Variants in C8orf34 observed in about 807,000 individuals in gnomAD.
C8orf34 encodes chromosome 8 open reading frame 34, also known as uncharacterized protein C8orf34.
C8orf34 carries 65 observed loss-of-function variants against 68.3 expected under a neutral mutation model. The ratio of observed to expected loss-of-function variants is 0.95; its 90% CI spans 0.78 to 1.17. The LOEUF is 1.17. Ranked by LOEUF, C8orf34 falls within the 50% of genes most tolerant of loss-of-function variation. C8orf34 has a pLI of 0.00. For missense variants in C8orf34, 664 were observed against 655.4 expected (o/e 1.01, Z -0.14); for synonymous variants, 244 against 241.2 (o/e 1.01, Z -0.11).
intron 8 of C8orf34, among the ~76,000 whole-genome samples, chr8:68,660,395 C>A (rs913885530): frequency 1.3e-5 from 2 of 152,172 alleles, no homozygotes; most frequent in Admixed American, 1.3e-4. Flanking sequence ...CAGAGTACTG[C>A]CCATGGGTGC....
intron 5 of C8orf34, among the ~76,000 whole-genome samples, chr8:68,520,705 T>C (rs57010866): frequency 0.2 from 30,279 of 151,512 alleles, 4,024 homozygotes; most frequent in African/African-American, 0.38. Flanking sequence ...CCTCGTTATC[T>C]GCACACCTCG....
intron 5 of C8orf34, 147 bp downstream of exon 5, chr8:68,488,198 A>G (rs1406184506): frequency 5.3e-6 from 3 of 564,362 alleles, no homozygotes; most frequent in Non-Finnish European, 9.2e-6. Context: ...AGTTAAATGC[A>G]TATTGTTTTA....
intron 1 of C8orf34, among the ~76,000 whole-genome samples, chr8:68,428,122 ATAAT>A (rs1810305563): frequency 2.0e-5 from 3 of 151,728 alleles, no homozygotes; most frequent in African/African-American, 7.2e-5. Flanking sequence ...ATCTCAATAT[ATAAT>A]TAGATACAAT....
chr8:68,452,058 T>C (rs1466504298), intron 3 of C8orf34, among the ~76,000 whole-genome samples: 1 of 151,978 alleles, frequency 6.6e-6, no homozygotes, highest in Non-Finnish European at 1.5e-5. Flanking sequence ...TTCAGTCCTT[T>C]TCGTGGCTGA....
intron 9 of C8orf34, among the ~76,000 whole-genome samples, chr8:68,712,977 C>G (rs572040894): frequency 3.9e-5 from 6 of 152,248 alleles, no homozygotes; most frequent in African/African-American, 1.2e-4. Context: ...AGTACTCTCT[C>G]AGACCACACT....
Position 68,559,092 on chromosome 8 carries a change from A to G in C8orf34, c.1105+25943A>G, listed in dbSNP as rs79199085. Among the ~76,000 whole-genome samples the G allele has an allele frequency of 8.7e-3, 1,332 of 152,272 alleles. 8 individuals carry two copies. The highest frequency in any genetic ancestry group is 0.015 in the Non-Finnish European group (1,018 of 68,002). On this transcript the variant is annotated intron_variant, in intron 7 of 13. Transcript: ENST00000518698. ...CAATGAGAGTGAACATGAACATAAA[A>G]CAAGGTAAGATCATATTTACATTTT...
intron 5 of C8orf34, among the ~76,000 whole-genome samples, chr8:68,492,423 C>T (rs1364217949): frequency 6.6e-6 from 1 of 151,744 alleles, no homozygotes; most frequent in African/African-American, 2.4e-5. Flanking sequence ...GAGACAGGGT[C>T]TTACTATGTT....
Position 68,736,760 on chromosome 8 carries a change from G to A in C8orf34, c.1404+15323G>A, listed in dbSNP as rs192730225. 1.9e-3 allele frequency among the ~76,000 whole-genome samples: 296 copies of A among 152,008 alleles called. 5 individuals are homozygous for A. The highest frequency in any genetic ancestry group is 1.1e-3 in the Non-Finnish European group (77 of 67,914). ...CTTTTAGGTGTCCTTTTATTCATTGGCCACTTTTTCCAAATGGTTAGTGTC... is the reference window on the plus strand; with the variant it reads ...CTTTTAGGTGTCCTTTTATTCATTGACCACTTTTTCCAAATGGTTAGTGTC... On this transcript the variant is annotated intron_variant, in intron 10 of 13. Coordinates refer to ENST00000518698, the MANE Select transcript of C8orf34 (RefSeq NM_052958.4).
At chr8:68,485,724 A>AAAATAAAT (rs1554561963) in intron 4 of C8orf34, among the ~76,000 whole-genome samples, 8 of 147,198 alleles carry the variant, frequency 5.4e-5, no homozygotes, top group African/African-American at 1.7e-4. Context: ...AAAAAAATAA[A>AAAATAAAT]AAATAAATAA....
Position 68,392,546 on chromosome 8 carries a change from T to C in C8orf34, c.328-46953T>C, listed in dbSNP as rs575402761. On this transcript the variant is annotated intron_variant, in intron 1 of 13. Transcript: ENST00000518698. ...AAAAAAAATGTTCTGCCTAGACTATTATTTTTTTCTTAAAGTTTTTGTAGA... is the reference window on the plus strand; with the variant it reads ...AAAAAAAATGTTCTGCCTAGACTATCATTTTTTTCTTAAAGTTTTTGTAGA... Among the ~76,000 whole-genome samples, 140 of 152,190 alleles carry C rather than the reference T, an allele frequency of 9.2e-4. 2 individuals are homozygous for C. The highest frequency in any genetic ancestry group is 3.3e-3 in the African/African-American group (139 of 41,574).
chr8:68,611,260 T>A (rs1818014741), intron 7 of C8orf34, among the ~76,000 whole-genome samples: 1 of 152,262 alleles, frequency 6.6e-6, no homozygotes, highest in South Asian at 2.1e-4. Context: ...AAGCAAGAAA[T>A]GTTTTGGCAG....
chr8:68,798,441 C>A (rs72652111), intron 12 of C8orf34, among the ~76,000 whole-genome samples: 3,132 of 152,020 alleles, frequency 0.021, 49 homozygotes, highest in Middle Eastern at 0.034. Context: ...ATATTATGAG[C>A]TTCAGAAAGT....
At chr8:68,568,735 T>C (rs1325442457) in intron 7 of C8orf34, among the ~76,000 whole-genome samples, 1 of 152,216 alleles carries the variant, frequency 6.6e-6, no homozygotes, top group African/African-American at 2.4e-5. Context: ...TCTAATGATA[T>C]AAGGCTTCTT....
intron 1 of C8orf34, among the ~76,000 whole-genome samples, chr8:68,386,912 C>A (rs1173612153): frequency 6.6e-6 from 1 of 152,072 alleles, no homozygotes; most frequent in East Asian, 1.9e-4. Context: ...AGTCTCCAGA[C>A]ATTGCCAAAA....
intron 10 of C8orf34, among the ~76,000 whole-genome samples, chr8:68,755,687 G>C (rs1822834229): frequency 6.6e-6 from 1 of 152,062 alleles, no homozygotes; most frequent in Admixed American, 6.5e-5. Flanking sequence ...GGTTGTCCAA[G>C]CCACCTAGGT....
At chr8:68,429,354 C>T (rs1358204098) in intron 1 of C8orf34, among the ~76,000 whole-genome samples, 1 of 152,106 alleles carries the variant, frequency 6.6e-6, no homozygotes, top group Non-Finnish European at 1.5e-5. Context: ...CATAGGGATT[C>T]TTTTATACCA....
At chr8:68,445,086 G>C (rs1191371867) in intron 2 of C8orf34, among the ~76,000 whole-genome samples, 2 of 152,126 alleles carry the variant, frequency 1.3e-5, no homozygotes, top group Non-Finnish European at 2.9e-5. Context: ...CTGGGTTCTA[G>C]CAGACCGTGG....
chr8:68,717,738 T>C (rs984946927), intron 9 of C8orf34, among the ~76,000 whole-genome samples: 2 of 152,170 alleles, frequency 1.3e-5, no homozygotes, highest in Admixed American at 1.3e-4. Context: ...GATGTTGCAT[T>C]TTTATAAGTC....
intron 1 of C8orf34, among the ~76,000 whole-genome samples, chr8:68,410,449 G>C (rs554837171): frequency 1.3e-5 from 2 of 152,284 alleles, no homozygotes; most frequent in East Asian, 3.9e-4. Context: ...ATCATTTAAA[G>C]TATATGGGAG....
Sources: allele counts gnomAD v4.1 joint callset (sites outside exome capture counted in the v4.1 genomes callset), GRCh38; gene constraint gnomAD v4.1.1; transcripts MANE v1.5; gene names NCBI Gene and HGNC (gene_info 2026-07-23, HGNC 2026-07-21).